The following MAX variants were observed in gnomAD, a reference collection of about 807,000 sequenced individuals.
MAX encodes MYC associated transcriptional regulator X, also known as protein max.
In MAX, 3 loss-of-function variants were observed where a neutral mutation model predicts 22.3. The observed-to-expected ratio is 0.13, with a 90% confidence interval of 0.06 to 0.35. The LOEUF is 0.35. MAX is among the 10% of genes least tolerant of loss of function. MAX has a pLI of 1.00. For missense variants in MAX, 119 were observed against 209.4 expected, an observed-to-expected ratio of 0.57 and a Z score of 2.66; for synonymous variants, 72 against 77.7, an observed-to-expected ratio of 0.93 and a Z score of 0.39.
chr14:65,092,357 T>C (rs946060566), intron 3 of MAX, among the ~76,000 whole-genome samples: 4 of 152,164 alleles, frequency 2.6e-5, no homozygotes, highest in Admixed American at 6.5e-5. Flanking sequence ...CTTTTCCATA[T>C]AGTTTACCAA....
intron 3 of MAX, among the ~76,000 whole-genome samples, chr14:65,064,421 T>TA (rs1219310836): frequency 6.6e-6 from 1 of 152,208 alleles, no homozygotes; most frequent in Non-Finnish European, 1.5e-5. Context: ...AGGCTGGTCC[T>TA]ATTAGGTTCC....
chr14:65,041,249 GT>G (rs2062345988), intron 3 of MAX, among the ~76,000 whole-genome samples: 1 of 152,340 alleles, frequency 6.6e-6, no homozygotes, highest in East Asian at 1.9e-4. Flanking sequence ...AAGAGGAAAA[GT>G]TACAAGAAGA....
downstream of MAX, among the ~76,000 whole-genome samples, chr14:65,072,027 G>C (rs1156545248): frequency 6.6e-6 from 1 of 152,102 alleles, no homozygotes; most frequent in African/African-American, 2.4e-5. Flanking sequence ...TTCTCTATTC[G>C]CTATCTAGCA....
chr14:65,056,837 G>A (rs2062746803), intron 3 of MAX, among the ~76,000 whole-genome samples: 2 of 152,150 alleles, frequency 1.3e-5, no homozygotes, highest in Non-Finnish European at 2.9e-5. Context: ...CCTGAGACTA[G>A]GTAATGTATA....
downstream of MAX, among the ~76,000 whole-genome samples, chr14:65,070,352 T>C (rs2062973420): frequency 6.6e-6 from 1 of 152,076 alleles, no homozygotes; most frequent in South Asian, 2.1e-4. The surrounding 1 kb of genome is among the most constrained non-coding windows in gnomAD (Gnocchi z 4.4). Context: ...TTCTTCTTCT[T>C]CTCTAGCCTT....
At chr14:65,072,007 C>T (rs903455390), downstream of MAX, among the ~76,000 whole-genome samples, 11 of 152,248 alleles carry the variant, frequency 7.2e-5, no homozygotes, top group African/African-American at 2.7e-4. Flanking sequence ...ACCCTAGACA[C>T]TGAAGGAAAT....
rs1377662300 is a variant in MAX, at chr14:65,029,147, C to T, written c.172-22863G>A. 6.6e-6 allele frequency among the ~76,000 whole-genome samples: 1 copy of T among 152,216 alleles called. No individual in the cohort carries two copies. Among genetic ancestry groups the T allele is most frequent in the African/African-American group, 2.4e-5 (1 of 41,452 alleles). ...TGACCTTTGCTCTTTGGGTGATGCT[C>T]TGCCATTCGTGCCCGTGCTTTCTAT... On this transcript the variant is annotated intron_variant, in intron 3 of 3. Coordinates refer to the MAX transcript ENST00000341653. This position sits in a 1 kb window ranked among gnomAD's most constrained non-coding sequence, Gnocchi z 4.7.
At position 65,075,899 on chromosome 14, in the gene MAX, C is replaced by G. The variant is rs1449351692; in HGVS notation, c.*577G>C. The G allele has an allele frequency of 9.4e-7, 1 of 1,067,936 alleles. No homozygotes were observed. Among genetic ancestry groups the G allele is most frequent in the African/African-American group, 1.6e-5 (1 of 61,056 alleles). The allele number at this position is 1,067,936 out of a possible 1,614,324, so 66.2% of individuals were successfully genotyped here. ...AATCTGTCCCCACTTCCTTTTTATA[C>G]CACAAACTTCTCTAAGGATCTGGTC... On this transcript the variant is annotated 3_prime_UTR_variant, in exon 5 of 5. Transcript: ENST00000358664. This position sits in a 1 kb window ranked among gnomAD's most constrained non-coding sequence, Gnocchi z 4.1.
Position 65,079,085 on chromosome 14 carries a change from A to G in MAX, c.172-1049T>C, listed in dbSNP as rs2063139272. Among the ~76,000 whole-genome samples the G allele has an allele frequency of 6.6e-6, 1 of 152,216 alleles. No individual in the cohort carries two copies. Among genetic ancestry groups the G allele is most frequent in the Non-Finnish European group, 1.5e-5 (1 of 68,034 alleles). ...CTTGGCTATGTCTGGAAACATTAAAATACTACTTAAATGAAAGCTTTAGGT... is the reference window on the plus strand; with the variant it reads ...CTTGGCTATGTCTGGAAACATTAAAGTACTACTTAAATGAAAGCTTTAGGT... On this transcript the variant is annotated intron_variant, in intron 3 of 4. Transcript: ENST00000358664. This position sits in a 1 kb window ranked among gnomAD's most constrained non-coding sequence, Gnocchi z 4.5.
At chr14:65,015,284 A>G (rs1215669395) in intron 3 of MAX, among the ~76,000 whole-genome samples, 1 of 151,536 alleles carries the variant, frequency 6.6e-6, no homozygotes, top group Non-Finnish European at 1.5e-5. Flanking sequence ...TGTAATTTTA[A>G]TAGAGACAGG....
rs997204332 is a variant in MAX, at chr14:65,070,113, G to A, written c.171+23595C>T. Among the ~76,000 whole-genome samples, 1 of 152,198 alleles carries A rather than the reference G, an allele frequency of 6.6e-6. No homozygotes were observed. Among genetic ancestry groups the A allele is most frequent in the Non-Finnish European group, 1.5e-5 (1 of 68,038 alleles). The stretch of plus-strand genomic sequence containing the variant: ...CAGCCGGATTCCGGATGAGTGACTG[G>A]GGGTGCATGCCCATTGGGTTATTTT... On this transcript the variant is annotated intron_variant, in intron 3 of 3. Coordinates refer to the MAX transcript ENST00000341653. This position sits in a 1 kb window ranked among gnomAD's most constrained non-coding sequence, Gnocchi z 4.4.
rs772412345 is a variant in MAX at position 65,077,850 on chromosome 14, T to A, written c.295+63A>T. ...CTGGCTCTGACTCTGCAGGCCCAGG[T>A]GCCAAAGCCTGACCTGGCTGGAGCA... On this transcript the variant is annotated intron_variant, in intron 4 of 4. Transcript: ENST00000358664. This position sits in a 1 kb window ranked among gnomAD's most constrained non-coding sequence, Gnocchi z 6.3. 6.2e-7 allele frequency: 1 copy of A among 1,614,222 alleles called. No individual in the cohort carries two copies. Among genetic ancestry groups the A allele is most frequent in the South Asian group, 1.1e-5 (1 of 91,090 alleles).
At chr14:65,053,625 T>TAAAAAAAAACAAACA (rs201558638) in intron 3 of MAX, among the ~76,000 whole-genome samples, 1 of 146,318 alleles carries the variant, frequency 6.8e-6, no homozygotes, top group African/African-American at 2.7e-5. Context: ...CTTCTTTTTT[T>TAAAAAAAAACAAACA]TAAAAAAAAC....
Position 65,009,516 on chromosome 14 carries a change from A to G in MAX, c.172-3232T>C, listed in dbSNP as rs768493489. ...TTCCTTCTTCCCACATCAGAGACCT[A>G]TATTTCGCTAGCTTCGTACCCATCA... On this transcript the variant is annotated intron_variant, in intron 3 of 3. Transcript: ENST00000341653. This position sits in a 1 kb window ranked among gnomAD's most constrained non-coding sequence, Gnocchi z 4.2. Among the ~76,000 whole-genome samples, 1 of 152,040 alleles carries G rather than the reference A, an allele frequency of 6.6e-6. No homozygotes were observed. Among genetic ancestry groups the G allele is most frequent in the Non-Finnish European group, 1.5e-5 (1 of 68,000 alleles).
At chr14:65,074,171 G>A (rs1046586545), downstream of MAX, among the ~76,000 whole-genome samples, 1 of 152,178 alleles carries the variant, frequency 6.6e-6, no homozygotes, top group African/African-American at 2.4e-5. Flanking sequence ...TATACAAAGA[G>A]ATATAGTTAA....
rs138193424 is a variant in MAX at position 65,030,609 on chromosome 14, G to A, written c.172-24325C>T. Among the ~76,000 whole-genome samples the A allele has an allele frequency of 1.3e-5, 2 of 152,144 alleles. No homozygotes were observed. Among genetic ancestry groups the A allele is most frequent in the East Asian group, 1.9e-4 (1 of 5,158 alleles). On this transcript the variant is annotated intron_variant, in intron 3 of 3. Coordinates refer to the MAX transcript ENST00000341653. The surrounding 1 kb of genome is among the most constrained non-coding windows in gnomAD (Gnocchi z 4.5). ...TTTAAAAAATTAGCCAGGTGTGGTG[G>A]CATGCATCTGTAGCCTCAGCTGCTT...
intron 3 of MAX, among the ~76,000 whole-genome samples, chr14:65,010,643 C>T (rs2061668127): frequency 1.3e-5 from 2 of 152,364 alleles, no homozygotes; most frequent in South Asian, 4.1e-4. Context: ...CTCCAAAGCA[C>T]AGTTCTGATC....
rs2062054987 is a variant in MAX at position 65,030,300 on chromosome 14, C to T, written c.172-24016G>A. On this transcript the variant is annotated intron_variant, in intron 3 of 3. Transcript: ENST00000341653. The surrounding 1 kb of genome is among the most constrained non-coding windows in gnomAD (Gnocchi z 4.5). ...TGGCACTTGTGACTCTTGTGTGCTC[C>T]CAATGCCTGCTGGTGGAACTAAACT... Among the ~76,000 whole-genome samples the T allele has an allele frequency of 6.6e-6, 1 of 152,160 alleles. No homozygotes were observed. The highest frequency in any genetic ancestry group is 6.5e-5 in the Admixed American group (1 of 15,276).
intron 3 of MAX, among the ~76,000 whole-genome samples, chr14:65,060,674 C>T (rs1388747697): frequency 1.1e-5 from 1 of 89,298 alleles, no homozygotes; most frequent in South Asian, 3.8e-4. Flanking sequence ...CCAGCCTGGG[C>T]GACAGAGCGA....
Sources: gnomAD v4.1 joint callset for allele counts (sites outside exome capture counted in the v4.1 genomes callset) on GRCh38, gnomAD v4.1.1 for gene constraint, Gnocchi (gnomAD v3.1) non-coding constraint, MANE v1.5 for transcripts, NCBI Gene and HGNC (gene_info 2026-07-23, HGNC 2026-07-21) for gene names.